The following SPATA31C2 variants were observed in gnomAD, a reference collection of about 807,000 sequenced individuals.
The protein encoded by SPATA31C2 is spermatogenesis-associated protein 31C2.
A neutral mutation model predicts 11.4 loss-of-function variants in SPATA31C2; 5 were observed. That is an observed-to-expected ratio of 0.44 (90% CI 0.23 to 0.92). SPATA31C2 has a LOEUF of 0.92. SPATA31C2 is among the 40% of genes least tolerant of loss of function. The pLI is 0.24. For missense variants in SPATA31C2, 1,353 were observed against 1,368.6 expected (o/e 0.99, Z 0.18); for synonymous variants, 515 against 538.7 (o/e 0.96, Z 0.61).
Position 88,130,750 on chromosome 9 carries a change from C to T in SPATA31C2, c.2287G>A (p.Gly763Arg), listed in dbSNP as rs748929554. Residue 763 changes from glycine (G) to arginine (R), a missense_variant, in exon 4 of 4, where the codon GGA becomes AGA. Gly to Arg is a moderately radical substitution (Grantham distance 125). Transcript: ENST00000324915. ...DHGSLKAPTA[G>R]QEGRWPSKPL... ...TTAGATGGCCACCTGCCCTCCTGTC[C>T]AGCTGTAGGAGCCTTCAAGGACCCA... 6.2e-7 allele frequency: 1 copy of T among 1,613,324 alleles called. No homozygotes were observed. The highest frequency in any genetic ancestry group is 1.3e-5 in the African/African-American group (1 of 74,910).
intron 1 of SPATA31C2, among the ~76,000 whole-genome samples, chr9:88,133,941 G>C (rs1051695283): frequency 5.9e-5 from 9 of 152,156 alleles, no homozygotes; most frequent in Non-Finnish European, 1.0e-4. Flanking sequence ...TGGATCACCT[G>C]AGGTCAAGAG....
Position 88,130,759 on chromosome 9 carries a change from G to A in SPATA31C2, c.2278C>T (p.Pro760Ser). The change falls in exon 4 of 4, where the codon CCT (proline) becomes TCT (serine). Residue 760 changes from proline to serine, a missense_variant. This residue lies in a region of SPATA31C2 where 1,075 missense variants were observed against 992.8 expected (regional missense o/e 1.08). Transcript: ENST00000324915. Reference protein sequence around the residue: ...SSNDHGSLKAPTAGQEGRWPS... With the variant: ...SSNDHGSLKASTAGQEGRWPS... ...CACCTGCCCTCCTGTCCAGCTGTAGGAGCCTTCAAGGACCCATGATCATTC... is the reference window on the plus strand; with the variant it reads ...CACCTGCCCTCCTGTCCAGCTGTAGAAGCCTTCAAGGACCCATGATCATTC... The A allele has an allele frequency of 6.2e-7, 1 of 1,613,304 alleles. No homozygotes were observed. Among genetic ancestry groups the A allele is most frequent in the Non-Finnish European group, 8.5e-7 (1 of 1,179,874 alleles).
In SPATA31C2 at chr9:88,130,043, T is replaced by C. The variant is rs1447040702; in HGVS notation, c.2994A>G (p.Pro998=). 1.2e-6 allele frequency: 2 copies of C among 1,608,414 alleles called. No individual in the cohort carries two copies. Among genetic ancestry groups the C allele is most frequent in the Admixed American group, 3.3e-5 (2 of 59,776 alleles). Residue 998 remains proline, a synonymous_variant, in exon 4 of 4, where the codon CCA becomes CCG. Transcript: ENST00000324915. ...TRQNEGVQLL[P]SKKQPPSISH... ...TTATTGAAGGAGGCTGTTTCTTTGA[T>C]GGCAGTAGCTGGACGCCTTCATTCT...
chr9:88,131,600 T>C lies in SPATA31C2; in HGVS notation c.1437A>G (p.Thr479=). The C allele has an allele frequency of 6.2e-7, 1 of 1,611,908 alleles. No homozygotes were observed. Among genetic ancestry groups the C allele is most frequent in the Non-Finnish European group, 8.5e-7 (1 of 1,179,816 alleles). Residue 479 remains threonine, a synonymous_variant, in exon 4 of 4, where the codon ACA becomes ACG. Transcript: ENST00000324915. ...GCCTGGGTTTGCCCTTGGCCTGACT[T>C]GTCCCTGGCAATTCATCCTGAAGCT... ...LMQLQDELPG[T]SQAKGKPRPW...
chr9:88,137,492 G>A (rs1471478144), intron 1 of SPATA31C2, among the ~76,000 whole-genome samples: 1 of 143,584 alleles, frequency 7.0e-6, no homozygotes, highest in Non-Finnish European at 1.5e-5. Flanking sequence ...CGTGGTGGCG[G>A]GCGCCTGTAA....
chr9:88,132,747 C>T, intron 3 of SPATA31C2, 37 bp from the exon 4 acceptor site: 1 of 1,576,762 alleles, frequency 6.3e-7, no homozygotes. Flanking sequence ...CAGCCAGGAG[C>T]AGATGGGTTC....
Position 88,131,699 on chromosome 9 carries a change from A to G in SPATA31C2, c.1338T>C (p.Ser446=). The G allele has an allele frequency of 1.1e-5, 17 of 1,611,918 alleles. No homozygotes were observed. The highest frequency in any genetic ancestry group is 1.4e-5 in the Non-Finnish European group (17 of 1,179,838). ...TSILPENFPV[S]PELWRQLEQH... is the part of the protein sequence containing the mutation. Reference sequence around the variant, plus strand: ...GCTCCAGTTGTCTCCAGAGTTCAGGACTGACTGGAAAGTTCTCAGGCAGAA... The same window carrying G: ...GCTCCAGTTGTCTCCAGAGTTCAGGGCTGACTGGAAAGTTCTCAGGCAGAA... The change falls in exon 4 of 4, where the codon AGT becomes AGC. Residue 446 remains serine (S), a synonymous_variant. Coordinates refer to ENST00000324915, the MANE Select transcript of SPATA31C2 (RefSeq NM_001350978.3).
intron 1 of SPATA31C2, among the ~76,000 whole-genome samples, chr9:88,133,972 G>A (rs143131210): frequency 0.024 from 3,702 of 152,064 alleles, 126 homozygotes; most frequent in Admixed American, 0.081. Flanking sequence ...GCCTAGCCAT[G>A]GTGAAACCCC....
intron 1 of SPATA31C2, among the ~76,000 whole-genome samples, chr9:88,137,987 C>CAGAGACCTCCCCCGTCTCATGACCA (rs1342260481): frequency 4.6e-5 from 5 of 108,294 alleles, no homozygotes; most frequent in East Asian, 7.0e-4. Context: ...GTCTCATGAC[C>CAGAGACCTCCCCCGTCTCATGACCA]GGTCCTGGCC....
Position 88,131,329 on chromosome 9 carries a change from T to A in SPATA31C2, c.1708A>T (p.Asn570Tyr). 1 of 1,611,928 alleles carries A rather than the reference T, an allele frequency of 6.2e-7. No individual in the cohort carries two copies. The highest frequency in any genetic ancestry group is 8.5e-7 in the Non-Finnish European group (1 of 1,179,856). The change falls in exon 4 of 4, where the codon AAT (asparagine) becomes TAT (tyrosine). Residue 570 changes from asparagine to tyrosine, a missense_variant. Coordinates refer to ENST00000324915, the MANE Select transcript of SPATA31C2 (RefSeq NM_001350978.3). ...GSDLLRRTER[N>Y]HIENILKAHM... Reference sequence around the variant, plus strand: ...GCTTTCAGGATGTTTTCTATATGATTCCTCTCTGTGCGTCTTAATAAATCA... The same window carrying A: ...GCTTTCAGGATGTTTTCTATATGATACCTCTCTGTGCGTCTTAATAAATCA...
chr9:88,133,895 G>A (rs1336623638), intron 1 of SPATA31C2, among the ~76,000 whole-genome samples: 3 of 152,136 alleles, frequency 2.0e-5, no homozygotes, highest in Non-Finnish European at 4.4e-5. Flanking sequence ...GGTGGCTCAC[G>A]CCTATAATCC....
At position 88,132,296 on chromosome 9, in the gene SPATA31C2, G is replaced by A; in HGVS notation, c.741C>T (p.Asp247=). The A allele has an allele frequency of 6.2e-7, 1 of 1,610,884 alleles. No individual in the cohort carries two copies. Among genetic ancestry groups the A allele is most frequent in the Non-Finnish European group, 8.5e-7 (1 of 1,177,754 alleles). The change falls in exon 4 of 4, where the codon GAC becomes GAT. Residue 247 remains aspartate, a synonymous_variant. Coordinates refer to ENST00000324915, the MANE Select transcript of SPATA31C2 (RefSeq NM_001350978.3). ...DSTLLTPSHC[D]SVALPLDTVP... The stretch of plus-strand genomic sequence containing the variant: ...CGGTGTCCAGTGGAAGTGCCACTGA[G>A]TCACAGTGAGATGGTGTTAACAGAG...
chr9:88,130,306 T>C lies in SPATA31C2; in HGVS notation c.2731A>G (p.Asn911Asp), dbSNP rs1825565702. The C allele has an allele frequency of 1.2e-6, 2 of 1,608,888 alleles. No individual in the cohort carries two copies. Among genetic ancestry groups the C allele is most frequent in the Non-Finnish European group, 1.7e-6 (2 of 1,179,042 alleles). ...CATAGCTCCTGGGAAGCCTGCATGTTCCCAGTAGGCATGCTCTGGAGATGG... is the reference window on the plus strand; with the variant it reads ...CATAGCTCCTGGGAAGCCTGCATGTCCCCAGTAGGCATGCTCTGGAGATGG... ...QGHLQSMPTG[N>D]MQASQELCDL... Residue 911 changes from asparagine (N) to aspartate (D), a missense_variant, in exon 4 of 4, where the codon AAC becomes GAC. Asn to Asp is a conservative substitution (Grantham distance 23). This residue lies in a region of SPATA31C2 where 1,075 missense variants were observed against 992.8 expected (regional missense o/e 1.08). Coordinates refer to ENST00000324915, the MANE Select transcript of SPATA31C2 (RefSeq NM_001350978.3).
chr9:88,132,554 C>G lies in SPATA31C2; in HGVS notation c.483G>C (p.Pro161=). 1 of 1,610,410 alleles carries G rather than the reference C, an allele frequency of 6.2e-7. No individual in the cohort carries two copies. Among genetic ancestry groups the G allele is most frequent in the Non-Finnish European group, 8.5e-7 (1 of 1,177,774 alleles). The change falls in exon 4 of 4, where the codon CCG becomes CCC. Residue 161 remains proline (P), a synonymous_variant. Coordinates refer to ENST00000324915, the MANE Select transcript of SPATA31C2 (RefSeq NM_001350978.3). Reference sequence around the variant, plus strand: ...CCTGAGGATGCTTGGTTCGAGGATCCGGGGAAGCTAACGGGGAGACAATGG... The same window carrying G: ...CCTGAGGATGCTTGGTTCGAGGATCGGGGGAAGCTAACGGGGAGACAATGG... ...AAPIVSPLAS[P]DPRTKHPQDL...
In SPATA31C2 at chr9:88,131,175, G is replaced by T; in HGVS notation, c.1862C>A (p.Ala621Asp). ...CACACAGGCTTTCCTGCTTTTCGGGGCTGCTAGATTGCTGGTTTTCACGTG... is the reference window on the plus strand; with the variant it reads ...CACACAGGCTTTCCTGCTTTTCGGGTCTGCTAGATTGCTGGTTTTCACGTG... ...NTHVKTSNLA[A>D]PKSRKACVNT... is the part of the protein sequence containing the mutation. The change falls in exon 4 of 4, where the codon GCC becomes GAC. Residue 621 changes from alanine (A) to aspartate (D), a missense_variant. Physicochemically the swap from Ala to Asp is moderately radical, Grantham distance 126. Coordinates refer to ENST00000324915, the MANE Select transcript of SPATA31C2 (RefSeq NM_001350978.3). The T allele has an allele frequency of 6.2e-7, 1 of 1,611,756 alleles. No homozygotes were observed. Among genetic ancestry groups the T allele is most frequent in the Non-Finnish European group, 8.5e-7 (1 of 1,179,876 alleles).
chr9:88,130,488 C>G lies in SPATA31C2; in HGVS notation c.2549G>C (p.Cys850Ser), dbSNP rs962080704. ...TTCACTAACAGCCTCCTCCATGAGA[C>G]ACAGCTTTCTTGGGTCTTGGGAGAC... Reference protein sequence around the residue: ...MSVSQDPRKLCLMEEAVSEFE... With the variant: ...MSVSQDPRKLSLMEEAVSEFE... The change falls in exon 4 of 4, where the codon TGT becomes TCT. Residue 850 changes from cysteine (C) to serine (S), a missense_variant. This residue lies in a region of SPATA31C2 where 1,075 missense variants were observed against 992.8 expected (regional missense o/e 1.08). Coordinates refer to ENST00000324915, the MANE Select transcript of SPATA31C2 (RefSeq NM_001350978.3). 1.9e-6 allele frequency: 3 copies of G among 1,613,488 alleles called. No individual in the cohort carries two copies. Among genetic ancestry groups the G allele is most frequent in the African/African-American group, 2.7e-5 (2 of 75,022 alleles).
rs1177513127 is a variant in SPATA31C2, at chr9:88,132,328, C to T, written c.709G>A (p.Asp237Asn). The T allele has an allele frequency of 4.3e-6, 7 of 1,610,732 alleles. No homozygotes were observed. Among genetic ancestry groups the T allele is most frequent in the Non-Finnish European group, 5.1e-6 (6 of 1,177,864 alleles). ...TGAGATGGTGTTAACAGAGTGGAGT[C>T]CCGCAGGGGAGGAGGAGTGAAGCCT... Reference protein sequence around the residue: ...PKGFTPPPLRDSTLLTPSHCD... With the variant: ...PKGFTPPPLRNSTLLTPSHCD... Residue 237 changes from aspartate (D) to asparagine (N), a missense_variant, in exon 4 of 4, where the codon GAC becomes AAC. Physicochemically the swap from Asp to Asn is conservative, Grantham distance 23. Around this residue, in one of 6 missense-constraint regions of SPATA31C2, gnomAD observed 1,075 missense variants for 992.8 expected, o/e 1.08. Coordinates refer to ENST00000324915, the MANE Select transcript of SPATA31C2 (RefSeq NM_001350978.3).
Position 88,132,779 on chromosome 9 carries a change from G to A in SPATA31C2, c.327-69C>T. 3.3e-6 allele frequency: 5 copies of A among 1,526,084 alleles called. No individual in the cohort carries two copies. The South Asian group carries it at 6.1e-5, about 19-fold the overall frequency. The allele number at this position is 1,526,084 out of a possible 1,614,324, so 94.5% of individuals were successfully genotyped here. A position where few individuals can be genotyped will look rare whatever the true frequency, so the allele number is the denominator to read the frequency against. On this transcript the variant is annotated intron_variant, in intron 3 of 3. Coordinates refer to ENST00000324915, the MANE Select transcript of SPATA31C2 (RefSeq NM_001350978.3). ...GTTCGGAGGGCAGAGTGGGCGCTTG[G>A]GCCACAGCCCCTCCACCACGCCACA...
chr9:88,133,731 C>T (rs1422591078), intron 1 of SPATA31C2, 62 bp from the exon 2 acceptor site: 15 of 1,595,308 alleles, frequency 9.4e-6, no homozygotes, highest in East Asian at 4.6e-5. Flanking sequence ...CCAGCCCAGC[C>T]GCAGCACGCT....
Sources: allele counts gnomAD v4.1 joint callset (sites outside exome capture counted in the v4.1 genomes callset), GRCh38; gene constraint gnomAD v4.1.1; regional missense constraint gnomAD v4.1.1; transcripts MANE v1.5; gene names NCBI Gene and HGNC (gene_info 2026-07-23, HGNC 2026-07-21).